The following GLB1 variants were observed in gnomAD, a reference collection of about 807,000 sequenced individuals.
The protein encoded by GLB1 is galactosidase beta 1.
Under a neutral mutation model 74.0 loss-of-function variants are expected in GLB1, and 56 were observed. That is an observed-to-expected ratio of 0.76 (90% confidence interval 0.61 to 0.94). The LOEUF is 0.94. GLB1 is among the 40% of genes least tolerant of loss of function. The pLI, the probability that GLB1 is intolerant of heterozygous loss-of-function variation, is 0.00. For missense variants in GLB1, 787 were observed against 845.5 expected (o/e 0.93, Z 0.86); for synonymous variants, 323 against 323.6 (o/e 1.00, Z 0.02).
intron 2 of GLB1, among the ~76,000 whole-genome samples, chr3:33,070,109 C>G (rs1332333926): frequency 6.6e-6 from 1 of 152,148 alleles, no homozygotes; most frequent in Admixed American, 6.5e-5. Context: ...CCAGCTGCAT[C>G]CAGTTTGCTG....
At position 33,093,894 on chromosome 3, in the gene GLB1, A is replaced by C; in HGVS notation, c.75+3117T>G. On this transcript the variant is annotated intron_variant, in intron 1 of 15. Coordinates refer to ENST00000307363, the MANE Select transcript of GLB1 (RefSeq NM_000404.4). This position sits in a 1 kb window ranked among gnomAD's most constrained non-coding sequence, Gnocchi z 6.0. Reference sequence around the variant, plus strand: ...TTCGGCCACTAAAAAGAACATGGTAAAGAAACTGGAATGGGCCAGGGCCAG... The same window carrying C: ...TTCGGCCACTAAAAAGAACATGGTACAGAAACTGGAATGGGCCAGGGCCAG... 1 of 1,613,968 alleles carries C rather than the reference A, an allele frequency of 6.2e-7. No individual in the cohort carries two copies. The highest frequency in any genetic ancestry group is 8.5e-7 in the Non-Finnish European group (1 of 1,179,956).
intron 10 of GLB1, among the ~76,000 whole-genome samples, chr3:33,043,197 T>C (rs981303291): frequency 6.6e-6 from 1 of 152,164 alleles, no homozygotes; most frequent in Non-Finnish European, 1.5e-5. Context: ...CAGGAGTGTA[T>C]ATTGTAGGAA....
At chr3:33,081,525 T>A (rs1700323330) in intron 1 of GLB1, among the ~76,000 whole-genome samples, 1 of 152,140 alleles carries the variant, frequency 6.6e-6, no homozygotes, top group African/African-American at 2.4e-5. Flanking sequence ...CTGGCTCTAT[T>A]CCCCAGGAGA....
At chr3:33,084,004 G>T in intron 1 of GLB1, among the ~76,000 whole-genome samples, 1 of 152,278 alleles carries the variant, frequency 6.6e-6, no homozygotes, top group East Asian at 1.9e-4. Context: ...CAGATTATGG[G>T]TCATGCTGAT....
intron 1 of GLB1, among the ~76,000 whole-genome samples, chr3:33,088,334 T>C (rs1388438166): frequency 1.3e-5 from 2 of 150,006 alleles, no homozygotes. Flanking sequence ...GATTCACAGA[T>C]GATATAATCT....
At chr3:32,994,329 G>A (rs1696269753), downstream of GLB1, among the ~76,000 whole-genome samples, 1 of 152,210 alleles carries the variant, frequency 6.6e-6, no homozygotes, top group South Asian at 2.1e-4. Flanking sequence ...TGACTACATT[G>A]TGAGGCCGGG....
chr3:33,058,350 T>C (rs957868270), intron 5 of GLB1, 81 bp from the exon 6 acceptor site: 4 of 1,577,720 alleles, frequency 2.5e-6, no homozygotes, highest in South Asian at 2.3e-5. Context: ...TGGGAAAATA[T>C]CTGAGCATCT....
chr3:33,080,919 T>C (rs1368642814), intron 1 of GLB1, among the ~76,000 whole-genome samples: 1 of 152,170 alleles, frequency 6.6e-6, no homozygotes, highest in Non-Finnish European at 1.5e-5. Context: ...GCAAGAACCT[T>C]ATAGCTGGTG....
At chr3:33,089,192 A>T (rs548984425) in intron 1 of GLB1, among the ~76,000 whole-genome samples, 1 of 152,290 alleles carries the variant, frequency 6.6e-6, no homozygotes, top group Admixed American at 6.5e-5. Context: ...AGAAGAAAAC[A>T]TGGGGAAAAA....
chr3:33,075,976 C>T (rs1291673898), intron 1 of GLB1, among the ~76,000 whole-genome samples: 4 of 148,870 alleles, frequency 2.7e-5, no homozygotes, highest in African/African-American at 5.0e-5. Context: ...ACCTGGGAGG[C>T]GGAGCTTGCA....
At chr3:33,070,200 A>G (rs951906233) in intron 2 of GLB1, among the ~76,000 whole-genome samples, 12 of 152,122 alleles carry the variant, frequency 7.9e-5, no homozygotes, top group African/African-American at 2.9e-4. Flanking sequence ...TTATCCAGTT[A>G]AATAAATTTC....
intron 15 of GLB1, among the ~76,000 whole-genome samples, chr3:33,007,829 C>T (rs1696848503): frequency 6.6e-6 from 1 of 152,178 alleles, no homozygotes; most frequent in Non-Finnish European, 1.5e-5. Flanking sequence ...GAGCCCCAGC[C>T]TAGATAATGA....
chr3:32,977,420 C>CT, the GLB1 span, among the ~76,000 whole-genome samples: 1 of 152,074 alleles, frequency 6.6e-6, no homozygotes, highest in Admixed American at 6.6e-5. Context: ...GTCGGCCAGG[C>CT]TGGTCTCAAA....
At chr3:33,022,134 T>C (rs1180689845) in intron 11 of GLB1, among the ~76,000 whole-genome samples, 2 of 152,202 alleles carry the variant, frequency 1.3e-5, no homozygotes, top group East Asian at 3.8e-4. Context: ...GTGTGTGGCA[T>C]ATCTTCCATG....
chr3:33,032,202 G>A (rs1698078177), intron 10 of GLB1, among the ~76,000 whole-genome samples: 1 of 152,126 alleles, frequency 6.6e-6, no homozygotes, highest in Non-Finnish European at 1.5e-5. Flanking sequence ...GCCCTCCTCA[G>A]TCAGCTCCCC....
At chr3:32,993,185 G>GA (rs1307134533), downstream of GLB1, among the ~76,000 whole-genome samples, 2 of 151,788 alleles carry the variant, frequency 1.3e-5, no homozygotes, top group African/African-American at 4.8e-5. Context: ...GGGAAACAAT[G>GA]AAAAAAAACC....
At chr3:33,081,277 G>A (rs1700312478) in intron 1 of GLB1, among the ~76,000 whole-genome samples, 1 of 152,146 alleles carries the variant, frequency 6.6e-6, no homozygotes, top group African/African-American at 2.4e-5. Context: ...TGGATCTTGA[G>A]GGGGAAAATC....
At chr3:33,036,011 C>T (rs1698261472) in intron 10 of GLB1, among the ~76,000 whole-genome samples, 1 of 152,042 alleles carries the variant, frequency 6.6e-6, no homozygotes, top group African/African-American at 2.4e-5. Context: ...ATGGTTTATA[C>T]CATACAGTGA....
intron 15 of GLB1, among the ~76,000 whole-genome samples, chr3:32,998,319 C>A (rs1212430451): frequency 6.6e-6 from 1 of 152,070 alleles, no homozygotes; most frequent in Non-Finnish European, 1.5e-5. Flanking sequence ...ACCAGCCTGG[C>A]CAACATGGTG....
Sources: gnomAD v4.1 joint callset for allele counts (sites outside exome capture counted in the v4.1 genomes callset) on GRCh38, gnomAD v4.1.1 for gene constraint, Gnocchi (gnomAD v3.1) non-coding constraint, MANE v1.5 for transcripts, NCBI Gene and HGNC (gene_info 2026-07-23, HGNC 2026-07-21) for gene names.